KCNQ1OT1: variants seen among roughly 807,000 people sequenced by gnomAD.
KCNQ1OT1 encodes the protein KCNQ1 antisense RNA 2 (non-protein coding).
rs572003359 is a variant in KCNQ1OT1 at position 2,680,473 on chromosome 11, T to A, written n.19522A>T. 1.3e-5 allele frequency: 5 copies of A among 398,352 alleles called. No individual in the cohort carries two copies. In the South Asian group the frequency reaches 6.4e-4, roughly 51 times the overall value. 24.7% of individuals were successfully genotyped at this position (398,352 alleles called of 1,614,324 possible). On this transcript the variant is annotated non_coding_transcript_exon_variant, in exon 1 of 1. Coordinates refer to ENST00000597346, the Ensembl canonical transcript of KCNQ1OT1. ...GGGTATTTTTAGGAGGACTACTGAT[T>A]TTTTTTTAATTTGGGCATTTTTTAA...
chr11:2,616,195 C>A, exon 1 of KCNQ1OT1: 2 of 396,618 alleles, frequency 5.0e-6, no homozygotes, highest in Non-Finnish European at 8.9e-6. Context: ...TTATATCGTT[C>A]CCACTTTTGT....
At chr11:2,616,966 T>TGG in exon 1 of KCNQ1OT1, 1 of 365,586 alleles carries the variant, frequency 2.7e-6, no homozygotes, top group Non-Finnish European at 4.8e-6. Context: ...TTGTTGTGTT[T>TGG]TTTTTTTTTA....
chr11:2,646,437 CT>C (rs1031412494), exon 1 of KCNQ1OT1: 3 of 398,306 alleles, frequency 7.5e-6, no homozygotes, highest in East Asian at 3.6e-5. Flanking sequence ...TTAAGCTTTG[CT>C]TTTTTTTGTA....
exon 1 of KCNQ1OT1, chr11:2,655,088 A>T (rs769224202): frequency 1.6e-4 from 62 of 398,460 alleles, no homozygotes; most frequent in Middle Eastern, 6.2e-4. Context: ...CTGTATTTTT[A>T]AAAAAATAAA....
exon 1 of KCNQ1OT1, chr11:2,666,138 T>C (rs2133862116): frequency 2.5e-6 from 1 of 398,684 alleles, no homozygotes; most frequent in Non-Finnish European, 4.4e-6. Flanking sequence ...CTCTTCTGTT[T>C]TGGCATCTTA....
exon 1 of KCNQ1OT1, chr11:2,672,283 C>G (rs1850198396): frequency 2.5e-6 from 1 of 398,650 alleles, no homozygotes; most frequent in Non-Finnish European, 4.4e-6. Context: ...CGAACCCCAC[C>G]AGCTGGGTGT....
At position 2,680,319 on chromosome 11, in the gene KCNQ1OT1, C is replaced by T. The variant is rs1157799209; in HGVS notation, n.19676G>A. On this transcript the variant is annotated non_coding_transcript_exon_variant, in exon 1 of 1. Coordinates refer to ENST00000597346, the Ensembl canonical transcript of KCNQ1OT1. Reference sequence around the variant, plus strand: ...TTAACTGATGAAGAATTGCCTTCCCCACCTCAAAAAAAAAGTCTTTCCAGC... The same window carrying T: ...TTAACTGATGAAGAATTGCCTTCCCTACCTCAAAAAAAAAGTCTTTCCAGC... 1.5e-5 allele frequency: 5 copies of T among 333,786 alleles called. No individual in the cohort carries two copies. The African/African-American group carries it at 1.8e-4, about 12-fold the overall frequency. The allele number at this position is 333,786 out of a possible 1,614,324, so 20.7% of individuals were successfully genotyped here. A position where few individuals can be genotyped will look rare whatever the true frequency, so the allele number is the denominator to read the frequency against.
At chr11:2,644,513 C>A (rs566023790) in exon 1 of KCNQ1OT1, 6 of 398,180 alleles carry the variant, frequency 1.5e-5, no homozygotes, top group African/African-American at 1.2e-4. Flanking sequence ...TCTATCAGAT[C>A]TTCTTTAATA....
chr11:2,674,729 C>G lies in KCNQ1OT1; in HGVS notation n.25266G>C. On this transcript the variant is annotated non_coding_transcript_exon_variant, in exon 1 of 1. Transcript: ENST00000597346. The surrounding 1 kb of genome is among the most constrained non-coding windows in gnomAD (Gnocchi z 5.9). ...TGACTCCTTCCTTCTGAACTTAACT[C>G]GTTAAAGTTGCTCCAATCCCAGCCC... 1 of 397,282 alleles carries G rather than the reference C, an allele frequency of 2.5e-6. No individual in the cohort carries two copies. Among genetic ancestry groups the G allele is most frequent in the Non-Finnish European group, 4.4e-6 (1 of 225,938 alleles). The allele number at this position is 397,282 out of a possible 1,614,324, so 24.6% of individuals were successfully genotyped here. A position where few individuals can be genotyped will look rare whatever the true frequency, so the allele number is the denominator to read the frequency against.
exon 1 of KCNQ1OT1, chr11:2,699,423 G>A (rs1850735174): frequency 5.0e-6 from 2 of 400,476 alleles, no homozygotes; most frequent in Non-Finnish European, 8.7e-6. Flanking sequence ...GGGCCGCGCT[G>A]AGGAGAGTCT....
rs1850311081 is a variant in KCNQ1OT1 at position 2,677,319 on chromosome 11, T to G, written n.22676A>C. ...GATTTCATCAAGTTAAAGAAAATGA[T>G]GTCAAATGATTTCTCAAATAGAGAC... On this transcript the variant is annotated non_coding_transcript_exon_variant, in exon 1 of 1. Coordinates refer to ENST00000597346, the Ensembl canonical transcript of KCNQ1OT1. The surrounding 1 kb of genome is among the most constrained non-coding windows in gnomAD (Gnocchi z 4.5). The G allele has an allele frequency of 2.5e-6, 1 of 398,602 alleles. No homozygotes were observed. Among genetic ancestry groups the G allele is most frequent in the Non-Finnish European group, 4.4e-6 (1 of 226,054 alleles). The allele number at this position is 398,602 out of a possible 1,614,324, so 24.7% of individuals were successfully genotyped here. A position where few individuals can be genotyped will look rare whatever the true frequency, so the allele number is the denominator to read the frequency against.
exon 1 of KCNQ1OT1, chr11:2,640,688 G>A (rs867486411): frequency 7.5e-6 from 3 of 397,988 alleles, no homozygotes; most frequent in Non-Finnish European, 1.3e-5. Flanking sequence ...CTATAGTTAG[G>A]AACATTTCAA....
chr11:2,627,464 C>G lies in KCNQ1OT1; in HGVS notation n.72531G>C, dbSNP rs1849280193. On this transcript the variant is annotated non_coding_transcript_exon_variant, in exon 1 of 1. Coordinates refer to ENST00000597346, the Ensembl canonical transcript of KCNQ1OT1. The surrounding 1 kb of genome is among the most constrained non-coding windows in gnomAD (Gnocchi z 4.9). ...TTCAACATTTCCTATTTCCCCTACT[C>G]CCTGACCCCTAGTAACCACCCTTCT... 1.3e-5 allele frequency: 5 copies of G among 398,516 alleles called. No individual in the cohort carries two copies. The East Asian group carries it at 1.8e-4, about 14-fold the overall frequency. The allele number at this position is 398,516 out of a possible 1,614,324, so 24.7% of individuals were successfully genotyped here. A position where few individuals can be genotyped will look rare whatever the true frequency, so the allele number is the denominator to read the frequency against.
chr11:2,612,388 G>A lies in KCNQ1OT1; in HGVS notation n.87607C>T, dbSNP rs1848995463. 2.5e-6 allele frequency: 1 copy of A among 398,482 alleles called. No individual in the cohort carries two copies. Among genetic ancestry groups the A allele is most frequent in the Non-Finnish European group, 4.4e-6 (1 of 226,072 alleles). 24.7% of individuals were successfully genotyped at this position (398,482 alleles called of 1,614,324 possible). A position where few individuals can be genotyped will look rare whatever the true frequency, so the allele number is the denominator to read the frequency against. On this transcript the variant is annotated non_coding_transcript_exon_variant, in exon 1 of 1. Transcript: ENST00000597346. This position sits in a 1 kb window ranked among gnomAD's most constrained non-coding sequence, Gnocchi z 5.5. The stretch of plus-strand genomic sequence containing the variant: ...GGTCCCTCATGCCAAAAAGGTTGGG[G>A]ACCACTATATTATGGTATCCAATGG...
Position 2,682,723 on chromosome 11 carries a change from A to C in KCNQ1OT1, n.17272T>G. On this transcript the variant is annotated non_coding_transcript_exon_variant, in exon 1 of 1. Transcript: ENST00000597346. The surrounding 1 kb of genome is among the most constrained non-coding windows in gnomAD (Gnocchi z 5.8). ...GACCAGAATATCTCTAGTCATAAAG[A>C]ATCTCTTCCCCTTGAGCCCACTCAT... 2.5e-6 allele frequency: 1 copy of C among 398,608 alleles called. No individual in the cohort carries two copies. 24.7% of individuals were successfully genotyped at this position (398,608 alleles called of 1,614,324 possible). A position where few individuals can be genotyped will look rare whatever the true frequency, so the allele number is the denominator to read the frequency against.
In KCNQ1OT1 at chr11:2,642,972, G is replaced by A; in HGVS notation, n.57023C>T. The A allele has an allele frequency of 2.5e-6, 1 of 397,796 alleles. No homozygotes were observed. The highest frequency in any genetic ancestry group is 2.1e-5 in the African/African-American group (1 of 48,696). The allele number at this position is 397,796 out of a possible 1,614,324, so 24.6% of individuals were successfully genotyped here. On this transcript the variant is annotated non_coding_transcript_exon_variant, in exon 1 of 1. Transcript: ENST00000597346. This position sits in a 1 kb window ranked among gnomAD's most constrained non-coding sequence, Gnocchi z 4.3. ...TCCATTTATTTATACAGTTTTGAAT[G>A]CTCCTCTTATTTATTTATAGTTTTA...
chr11:2,651,198 C>G lies in KCNQ1OT1; in HGVS notation n.48797G>C. 2.5e-6 allele frequency: 1 copy of G among 396,926 alleles called. No homozygotes were observed. The highest frequency in any genetic ancestry group is 3.6e-5 in the East Asian group (1 of 28,078). 24.6% of individuals were successfully genotyped at this position (396,926 alleles called of 1,614,324 possible). A position where few individuals can be genotyped will look rare whatever the true frequency, so the allele number is the denominator to read the frequency against. On this transcript the variant is annotated non_coding_transcript_exon_variant, in exon 1 of 1. Transcript: ENST00000597346. The surrounding 1 kb of genome is among the most constrained non-coding windows in gnomAD (Gnocchi z 6.1). The stretch of plus-strand genomic sequence containing the variant: ...CCTACTCAAATGTTCCGACAGCTTC[C>G]TGTCACCCTGTCTTGTGTCAGTCTC...
chr11:2,617,603 G>A lies in KCNQ1OT1; in HGVS notation n.82392C>T. ...TAGAAGAGGGATTAGTGGGTCAGAT[G>A]ATAGTATATTTTCAATTTCTTTAGG... On this transcript the variant is annotated non_coding_transcript_exon_variant, in exon 1 of 1. Coordinates refer to ENST00000597346, the Ensembl canonical transcript of KCNQ1OT1. This position sits in a 1 kb window ranked among gnomAD's most constrained non-coding sequence, Gnocchi z 4.6. 2.5e-6 allele frequency: 1 copy of A among 398,406 alleles called. No individual in the cohort carries two copies. Among genetic ancestry groups the A allele is most frequent in the East Asian group, 3.6e-5 (1 of 28,052 alleles). 24.7% of individuals were successfully genotyped at this position (398,406 alleles called of 1,614,324 possible).
Position 2,654,917 on chromosome 11 carries a change from A to G in KCNQ1OT1, n.45078T>C, listed in dbSNP as rs1332773706. On this transcript the variant is annotated non_coding_transcript_exon_variant, in exon 1 of 1. Transcript: ENST00000597346. The surrounding 1 kb of genome is among the most constrained non-coding windows in gnomAD (Gnocchi z 6.4). ...AGATGTGCAAGGTCGTGGGCCAGAG[A>G]GCAAGGCACAGATACAGGAGACTTC... 2.5e-6 allele frequency: 1 copy of G among 398,504 alleles called. No homozygotes were observed. Among genetic ancestry groups the G allele is most frequent in the Non-Finnish European group, 4.4e-6 (1 of 226,102 alleles). 24.7% of individuals were successfully genotyped at this position (398,504 alleles called of 1,614,324 possible). A position where few individuals can be genotyped will look rare whatever the true frequency, so the allele number is the denominator to read the frequency against.
Sources: gnomAD v4.1 joint callset for allele counts on GRCh38, gnomAD v4.1.1 for gene constraint, Gnocchi (gnomAD v3.1) non-coding constraint, MANE v1.5 for transcripts, NCBI Gene and HGNC (gene_info 2026-07-23, HGNC 2026-07-21) for gene names.